Variants in VPS13A observed in about 807,000 individuals in gnomAD.
VPS13A encodes the protein vacuolar protein sorting 13 homolog A.
A neutral mutation model predicts 390.9 loss-of-function variants in VPS13A; 264 were observed. The ratio of observed to expected loss-of-function variants is 0.68; its 90% confidence interval spans 0.61 to 0.75. The LOEUF is 0.75. Among genes scored for constraint, VPS13A ranks in the 30% least tolerant of loss-of-function variants. The pLI is 0.00. For synonymous variants in VPS13A, 1,231 were observed against 1,227.1 expected (o/e 1.00, Z -0.07); for missense variants, 3,409 against 3,733.9 (o/e 0.91, Z 2.27).
intron 35 of VPS13A, among the ~76,000 whole-genome samples, chr9:77,311,484 T>G (rs1829075553): frequency 6.6e-6 from 1 of 152,202 alleles, no homozygotes; most frequent in Admixed American, 6.5e-5. Context: ...TTACAAGGCC[T>G]GGTTTTTTTT....
chr9:77,348,625 A>G (rs1831295136), intron 52 of VPS13A, among the ~76,000 whole-genome samples: 1 of 150,764 alleles, frequency 6.6e-6, no homozygotes, highest in Non-Finnish European at 1.5e-5. Context: ...AAATTTAGGA[A>G]AAAAAAAAAG....
At chr9:77,264,322 TTC>T (rs1825918398) in intron 23 of VPS13A, among the ~76,000 whole-genome samples, 2 of 152,204 alleles carry the variant, frequency 1.3e-5, no homozygotes, top group African/African-American at 4.8e-5. Flanking sequence ...TTTTTTTGAA[TTC>T]TGTGAAGAAA....
chr9:77,201,571 T>C (rs1309641263), intron 3 of VPS13A, among the ~76,000 whole-genome samples, 164 bp downstream of exon 3: 1 of 152,174 alleles, frequency 6.6e-6, no homozygotes, highest in Non-Finnish European at 1.5e-5. Flanking sequence ...TTAAAAATAT[T>C]GTCCGATACA....
intron 19 of VPS13A, among the ~76,000 whole-genome samples, chr9:77,243,471 G>A (rs1053879598): frequency 2.0e-5 from 3 of 152,084 alleles, no homozygotes; most frequent in African/African-American, 7.2e-5. Flanking sequence ...AGAACTCAAG[G>A]TCTTTCAGGT....
At chr9:77,367,313 A>G (rs1051234968) in intron 61 of VPS13A, among the ~76,000 whole-genome samples, 2 of 152,216 alleles carry the variant, frequency 1.3e-5, no homozygotes, top group Non-Finnish European at 2.9e-5. Context: ...ATATTTTAAT[A>G]TGAGTCATAA....
chr9:77,188,176 T>C, intron 1 of VPS13A, among the ~76,000 whole-genome samples: 1 of 152,168 alleles, frequency 6.6e-6, no homozygotes, highest in East Asian at 1.9e-4. Flanking sequence ...ATTGAAAGCT[T>C]CCTGCGTCCT....
rs770483997 is a variant in VPS13A at position 77,332,020 on chromosome 9, A to G, written c.6002A>G (p.His2001Arg). The change falls in exon 46 of 72, where the codon CAT (histidine) becomes CGT (arginine). Residue 2001 changes from histidine (H) to arginine (R), a missense_variant. His to Arg is a conservative substitution (Grantham distance 29, BLOSUM62 0). This residue lies in a region of VPS13A where 2,717 missense variants were observed against 2,917.4 expected (regional missense o/e 0.93). Transcript: ENST00000360280. The part of the protein sequence containing the change: ...TIRSPVQIRN[H>R]FSVPLSVYEG... ...GTTTTTCTTTCCCAGATAAGAAATCATTTTTCAGTCCCACTGTCTGTTTAC... is the reference window on the plus strand; with the variant it reads ...GTTTTTCTTTCCCAGATAAGAAATCGTTTTTCAGTCCCACTGTCTGTTTAC... 28 of 1,609,542 alleles carry G rather than the reference A, an allele frequency of 1.7e-5. No individual in the cohort carries two copies. Among genetic ancestry groups the G allele is most frequent in the South Asian group, 2.2e-5 (2 of 90,838 alleles).
chr9:77,188,485 A>G (rs1046486754), intron 1 of VPS13A, among the ~76,000 whole-genome samples: 1 of 152,200 alleles, frequency 6.6e-6, no homozygotes, highest in Admixed American at 6.5e-5. Flanking sequence ...CATGGTGAAC[A>G]TATACTGCAT....
At chr9:77,407,392 C>A in intron 70 of VPS13A, 141 bp from the exon 71 acceptor site, 1 of 621,108 alleles carries the variant, frequency 1.6e-6, no homozygotes. Context: ...CTTCTTGCTT[C>A]CTCATTCTTG....
chr9:77,178,211 C>T (rs1435934205), intron 1 of VPS13A: 1 of 196,652 alleles, frequency 5.1e-6, no homozygotes, highest in Non-Finnish European at 1.1e-5. Context: ...TGTCCTTTGC[C>T]CCCCTGGGTT....
At chr9:77,177,916 GC>G in intron 1 of VPS13A, 112 bp downstream of exon 1, 1 of 877,546 alleles carries the variant, frequency 1.1e-6, no homozygotes, top group Non-Finnish European at 1.8e-6. Flanking sequence ...GCCGGGTGCA[GC>G]CACCTGCCGC....
At chr9:77,390,603 G>A (rs1428009006) in intron 68 of VPS13A, among the ~76,000 whole-genome samples, 1 of 151,654 alleles carries the variant, frequency 6.6e-6, no homozygotes, top group East Asian at 1.9e-4. Context: ...TTCATCTCAA[G>A]TGTAAAATTT....
At chr9:77,297,092 C>CT (rs1828043670) in intron 33 of VPS13A, among the ~76,000 whole-genome samples, 1 of 149,684 alleles carries the variant, frequency 6.7e-6, no homozygotes. Flanking sequence ...ATTTTTTTTT[C>CT]TTTTTTTGTT....
chr9:77,359,730 A>G (rs958519160), intron 58 of VPS13A, among the ~76,000 whole-genome samples: 2 of 151,606 alleles, frequency 1.3e-5, no homozygotes, highest in Middle Eastern at 3.4e-3. Flanking sequence ...AGGCACGAGA[A>G]TCGCTTGAAC....
chr9:77,213,338 A>T (rs1183842029), intron 9 of VPS13A, 24 bp downstream of exon 9: 20 of 1,564,038 alleles, frequency 1.3e-5, no homozygotes, highest in Non-Finnish European at 1.7e-5. Context: ...TTCTGTATGT[A>T]TTTGTTGGTA....
At chr9:77,326,046 G>A (rs963091935) in intron 45 of VPS13A, among the ~76,000 whole-genome samples, 2 of 152,050 alleles carry the variant, frequency 1.3e-5, no homozygotes, top group African/African-American at 4.8e-5. Context: ...AGATTGGCAG[G>A]GTTTTTCCCC....
intron 19 of VPS13A, among the ~76,000 whole-genome samples, chr9:77,240,549 C>T (rs1368853279): frequency 6.9e-5 from 10 of 145,728 alleles, no homozygotes; most frequent in Non-Finnish European, 1.5e-4. Flanking sequence ...ATAATCTCGG[C>T]TCGCTGCAAC....
intron 1 of VPS13A, among the ~76,000 whole-genome samples, chr9:77,190,142 A>G (rs1824586772): frequency 6.6e-6 from 1 of 152,112 alleles, no homozygotes; most frequent in Admixed American, 6.6e-5. Context: ...TATGTTGAAT[A>G]GGAGTAAGTG....
At chr9:77,382,281 A>G (rs753937200) in intron 68 of VPS13A, 194 bp downstream of exon 68, 2 of 1,523,488 alleles carry the variant, frequency 1.3e-6, no homozygotes, top group South Asian at 2.7e-5. Flanking sequence ...TTTTACAGGC[A>G]TCAAAAAGTT....
Sources: allele counts gnomAD v4.1 joint callset (sites outside exome capture counted in the v4.1 genomes callset), GRCh38; gene constraint gnomAD v4.1.1; regional missense constraint gnomAD v4.1.1; transcripts MANE v1.5; gene names NCBI Gene and HGNC (gene_info 2026-07-23, HGNC 2026-07-21).